Variants in MLANA observed in about 807,000 individuals in gnomAD.
MLANA encodes the protein melanoma antigen recognized by T-cells 1.
In MLANA, 21 loss-of-function variants were observed where a neutral mutation model predicts 15.7. That is an observed-to-expected ratio of 1.33 (90% CI 0.95 to 1.92). The LOEUF (loss-of-function observed/expected upper bound fraction) is 1.92. MLANA is among the 40% of genes most tolerant of loss of function. The pLI, the probability that MLANA is intolerant of heterozygous loss-of-function variation, is 0.00. For synonymous variants in MLANA, 56 were observed against 51.5 expected (o/e 1.09, Z -0.37); for missense variants, 164 against 143.8 (o/e 1.14, Z -0.72).
chr9:5,892,576 G>A (rs1478866204), intron 2 of MLANA, 25 bp downstream of exon 2: 1 of 1,604,712 alleles, frequency 6.2e-7, no homozygotes, highest in Non-Finnish European at 8.5e-7. Flanking sequence ...AGACCCAGCA[G>A]GGCTTCCAGT....
chr9:5,910,235 C>T lies in MLANA; in HGVS notation c.*1527C>T, dbSNP rs960336752. On this transcript the variant is annotated 3_prime_UTR_variant, in exon 5 of 5. Coordinates refer to ENST00000381477, the MANE Select transcript of MLANA (RefSeq NM_005511.2). ...TATTTAACGGTGAGTCAGTAAACCA[C>T]CTAAAAATCATCTTGTCTCATCAGA... is the stretch of plus-strand genomic sequence containing the variant. 6.6e-6 allele frequency: 1 copy of T among 152,082 alleles called. No individual in the cohort carries two copies. Among genetic ancestry groups the T allele is most frequent in the Non-Finnish European group, 1.5e-5 (1 of 68,018 alleles). 9.4% of individuals were successfully genotyped at this position (152,082 alleles called of 1,614,324 possible).
chr9:5,899,937 T>C (rs1265423946), intron 3 of MLANA, among the ~76,000 whole-genome samples: 2 of 152,212 alleles, frequency 1.3e-5, no homozygotes, highest in Non-Finnish European at 2.9e-5. Context: ...CACCCAGACA[T>C]GTTGGAAATC....
At position 5,908,374 on chromosome 9, in the gene MLANA, T is replaced by C. The variant is rs564449462; in HGVS notation, c.289-266T>C. On this transcript the variant is annotated intron_variant, in intron 4 of 4. Transcript: ENST00000381477. ...TTCGTTAGTTAGGGCTTGAGACTTT[T>C]ACTGTCATGGAAAATCTAGGTATAG... 6.2e-4 allele frequency among the ~76,000 whole-genome samples: 95 copies of C among 152,322 alleles called. No homozygotes were observed. The Middle Eastern group carries it at 0.01, about 16-fold the overall frequency.
Position 5,897,439 on chromosome 9 carries a change from T to C in MLANA, c.78-118T>C, listed in dbSNP as rs1832103784. On this transcript the variant is annotated intron_variant, in intron 2 of 4. Coordinates refer to ENST00000381477, the MANE Select transcript of MLANA (RefSeq NM_005511.2). The stretch of plus-strand genomic sequence containing the variant: ...GGGAGGTGGGAAACTACTTGGACAC[T>C]GGGAGATGCTGCTCTGGGTCGTCAA... 7.9e-6 allele frequency: 7 copies of C among 890,934 alleles called. No individual in the cohort carries two copies. The East Asian group carries it at 1.3e-4, about 16-fold the overall frequency. 55.2% of individuals were successfully genotyped at this position (890,934 alleles called of 1,614,324 possible).
In MLANA at chr9:5,892,513, C is replaced by A; in HGVS notation, c.39C>A (p.Pro13=). 2.5e-6 allele frequency: 4 copies of A among 1,613,820 alleles called. No individual in the cohort carries two copies. The highest frequency in any genetic ancestry group is 3.4e-6 in the Non-Finnish European group (4 of 1,179,908). Residue 13 remains proline (P), a synonymous_variant, in exon 2 of 5, where the codon CCC becomes CCA. Transcript: ENST00000381477. ...ATGCTCACTTCATCTATGGTTACCCCAAGAAGGGGCACGGCCACTCTTACA... is the reference window on the plus strand; with the variant it reads ...ATGCTCACTTCATCTATGGTTACCCAAAGAAGGGGCACGGCCACTCTTACA... The part of the protein sequence containing the change: ...REDAHFIYGY[P]KKGHGHSYTT...
chr9:5,904,433 T>C (rs1049673197), intron 3 of MLANA, among the ~76,000 whole-genome samples: 3 of 152,196 alleles, frequency 2.0e-5, no homozygotes, highest in African/African-American at 7.2e-5. Flanking sequence ...GGACATTTTA[T>C]ATGATTCCAT....
intron 3 of MLANA, chr9:5,898,328 G>A (rs1248104953): frequency 1.3e-5 from 2 of 152,452 alleles, no homozygotes; most frequent in African/African-American, 2.4e-5. Flanking sequence ...CTACAAGTGT[G>A]AAACACTCCA....
intron 2 of MLANA, among the ~76,000 whole-genome samples, chr9:5,896,883 C>T (rs776033540): frequency 8.5e-5 from 13 of 152,218 alleles, no homozygotes; most frequent in Non-Finnish European, 1.8e-4. Context: ...GCTGTAGGTT[C>T]AGCCCAGACA....
At chr9:5,892,413 G>A (rs1042764957) in intron 1 of MLANA, 37 bp from the exon 2 acceptor site, 9 of 1,488,184 alleles carry the variant, frequency 6.0e-6, no homozygotes, top group Non-Finnish European at 8.3e-6. Context: ...GGGTGGCTTT[G>A]GATGCATTAA....
intron 3 of MLANA, among the ~76,000 whole-genome samples, chr9:5,904,963 T>C (rs989745107): frequency 2.6e-5 from 4 of 151,922 alleles, no homozygotes; most frequent in Non-Finnish European, 5.9e-5. Context: ...ATAGTAGAGA[T>C]GTCATTTCAC....
At chr9:5,895,717 A>G (rs1277612660) in intron 2 of MLANA, among the ~76,000 whole-genome samples, 2 of 152,164 alleles carry the variant, frequency 1.3e-5, no homozygotes, top group Non-Finnish European at 2.9e-5. Context: ...GTGGAGTCCT[A>G]TGATCTGCAC....
chr9:5,897,239 A>G (rs1400660834), intron 2 of MLANA, among the ~76,000 whole-genome samples: 2 of 152,252 alleles, frequency 1.3e-5, no homozygotes, highest in African/African-American at 4.8e-5. Flanking sequence ...AAGATAATTT[A>G]GCCCCAATAA....
At chr9:5,897,682 C>T in intron 3 of MLANA, 29 bp downstream of exon 3, 1 of 1,576,312 alleles carries the variant, frequency 6.3e-7, no homozygotes, top group Non-Finnish European at 8.7e-7. Flanking sequence ...GCTGAAATCC[C>T]TCCAAGTCCA....
chr9:5,893,614 G>C (rs1418083981), intron 2 of MLANA, among the ~76,000 whole-genome samples: 1 of 152,158 alleles, frequency 6.6e-6, no homozygotes, highest in East Asian at 1.9e-4. Context: ...TGAGGGAGGG[G>C]AGCCCATTGC....
chr9:5,904,842 G>T (rs1400463609), intron 3 of MLANA, among the ~76,000 whole-genome samples: 3 of 149,356 alleles, frequency 2.0e-5, no homozygotes, highest in African/African-American at 7.4e-5. Flanking sequence ...GGTATGATCT[G>T]GGCTCACTGC....
chr9:5,900,575 T>C (rs1832347077), intron 3 of MLANA, among the ~76,000 whole-genome samples: 1 of 152,214 alleles, frequency 6.6e-6, no homozygotes, highest in Non-Finnish European at 1.5e-5. Context: ...TGACATTAAA[T>C]ATGAGCTTTG....
intron 3 of MLANA, among the ~76,000 whole-genome samples, chr9:5,905,657 GCTAA>G (rs1170418370): frequency 6.6e-6 from 1 of 152,192 alleles, no homozygotes; most frequent in Non-Finnish European, 1.5e-5. Flanking sequence ...TCAACCAGCT[GCTAA>G]CTAAAGAATA....
intron 4 of MLANA, among the ~76,000 whole-genome samples, chr9:5,907,540 T>C (rs1832897261): frequency 6.6e-6 from 1 of 152,222 alleles, no homozygotes. Context: ...AAATGGTTCA[T>C]TAATGATTTT....
intron 2 of MLANA, 50 bp downstream of exon 2, chr9:5,892,601 C>T (rs375807817): frequency 1.4e-5 from 22 of 1,524,138 alleles, no homozygotes; most frequent in Non-Finnish European, 2.0e-5. Flanking sequence ...CGTTTGCTGA[C>T]ACAGCCTGCT....
Sources: gnomAD v4.1 joint callset for allele counts (sites outside exome capture counted in the v4.1 genomes callset) on GRCh38, gnomAD v4.1.1 for gene constraint, MANE v1.5 for transcripts, NCBI Gene and HGNC (gene_info 2026-07-23, HGNC 2026-07-21) for gene names.